TRPC4AP: variants seen among roughly 807,000 people sequenced by gnomAD.
TRPC4AP encodes short transient receptor potential channel 4-associated protein.
Under a neutral mutation model 99.0 loss-of-function variants are expected in TRPC4AP, and 45 were observed. The ratio of observed to expected loss-of-function variants is 0.45; its 90% CI spans 0.36 to 0.58. TRPC4AP has a LOEUF of 0.58. Ranked by LOEUF, TRPC4AP falls within the 20% of genes least tolerant of loss-of-function variation. The pLI is 0.00. For synonymous variants in TRPC4AP, 408 were observed against 385.8 expected (o/e 1.06, Z -0.67); for missense variants, 879 against 985.3 (o/e 0.89, Z 1.44).
chr20:35,015,460 A>ACT (rs1231175876), intron 10 of TRPC4AP, among the ~76,000 whole-genome samples: 32 of 95,720 alleles, frequency 3.3e-4, no homozygotes, highest in Non-Finnish European at 5.4e-4. Flanking sequence ...TCAGGCAGGA[A>ACT]CTTTTTTTTT....
chr20:35,076,841 A>G (rs1260384743), intron 2 of TRPC4AP, among the ~76,000 whole-genome samples: 23 of 152,190 alleles, frequency 1.5e-4, no homozygotes. Context: ...CCTTTTGTTC[A>G]GCTATGCCCT....
At chr20:35,058,618 T>A (rs2083898574) in intron 3 of TRPC4AP, among the ~76,000 whole-genome samples, 1 of 151,902 alleles carries the variant, frequency 6.6e-6, no homozygotes. Flanking sequence ...ATACCAAAAC[T>A]TATGATGTAG....
At chr20:35,034,754 C>A (rs2147335731) in intron 8 of TRPC4AP, among the ~76,000 whole-genome samples, 1 of 151,998 alleles carries the variant, frequency 6.6e-6, no homozygotes, top group East Asian at 1.9e-4. Flanking sequence ...ATCAAGGGGA[C>A]CAGGAAAAGG....
intron 15 of TRPC4AP, 136 bp from the exon 16 acceptor site, chr20:35,005,939 G>A: frequency 8.4e-6 from 6 of 715,640 alleles, no homozygotes. Context: ...CAGAGGCTCA[G>A]ATAAGCTGAG....
chr20:35,011,776 A>C (rs2082643340), intron 11 of TRPC4AP, among the ~76,000 whole-genome samples: 1 of 152,120 alleles, frequency 6.6e-6, no homozygotes, highest in Non-Finnish European at 1.5e-5. Context: ...ATGCCTGTTC[A>C]CTCAATTCAC....
At chr20:35,082,756 A>G (rs564311507) in intron 1 of TRPC4AP, among the ~76,000 whole-genome samples, 1 of 152,320 alleles carries the variant, frequency 6.6e-6, no homozygotes, top group South Asian at 2.1e-4. Context: ...CACATTGATA[A>G]CATAAAGGAG....
Position 35,003,522 on chromosome 20 carries a change from A to G in TRPC4AP, c.2144T>C (p.Met715Thr), listed in dbSNP as rs926598381. The G allele has an allele frequency of 1.2e-6, 2 of 1,613,998 alleles. No homozygotes were observed. The highest frequency in any genetic ancestry group is 1.7e-6 in the Non-Finnish European group (2 of 1,180,006). The part of the protein sequence containing the change: ...LPLYLRLLQR[M>T]EHSKKYPGFL... ...GCCGGGGTACTTCTTGCTGTGCTCC[A>G]TCCGCTGCAGCAGCCGCAGGTACAG... is the stretch of plus-strand genomic sequence containing the variant. The change falls in exon 18 of 19, where the codon ATG (methionine) becomes ACG (threonine). Residue 715 changes from methionine (M) to threonine (T), a missense_variant. Physicochemically the swap from Met to Thr is moderately conservative, Grantham distance 81. Coordinates refer to ENST00000252015, the MANE Select transcript of TRPC4AP (RefSeq NM_015638.3).
At chr20:35,052,720 G>A (rs900587264) in intron 5 of TRPC4AP, among the ~76,000 whole-genome samples, 1 of 152,128 alleles carries the variant, frequency 6.6e-6, no homozygotes, top group African/African-American at 2.4e-5. Flanking sequence ...TGGAACTCCT[G>A]ACCTCAAGTG....
chr20:35,014,184 G>T (rs892858696), intron 10 of TRPC4AP, among the ~76,000 whole-genome samples: 3 of 152,128 alleles, frequency 2.0e-5, no homozygotes, highest in African/African-American at 7.2e-5. Flanking sequence ...AATTACAATA[G>T]GATAAAACAG....
At chr20:35,012,944 A>G (rs1382509098) in intron 11 of TRPC4AP, 64 bp downstream of exon 11, 69 of 1,550,168 alleles carry the variant, frequency 4.5e-5, no homozygotes, top group Non-Finnish European at 6.1e-5. Flanking sequence ...GGACCAGACA[A>G]GGAGATCGAG....
chr20:35,003,501 G>A lies in TRPC4AP; in HGVS notation c.2165C>T (p.Pro722Leu). The change falls in exon 18 of 19, where the codon CCC (proline) becomes CTC (leucine). Residue 722 changes from proline to leucine, a missense_variant. Physicochemically the swap from Pro to Leu is moderately conservative, Grantham distance 98. Coordinates refer to ENST00000252015, the MANE Select transcript of TRPC4AP (RefSeq NM_015638.3). ...LQRMEHSKKY[P>L]GFLLNNFHNL... ...GTGGAAGTTGTTGAGCAGGAAGCCG[G>A]GGTACTTCTTGCTGTGCTCCATCCG... 6.2e-7 allele frequency: 1 copy of A among 1,614,050 alleles called. No individual in the cohort carries two copies. The highest frequency in any genetic ancestry group is 8.5e-7 in the Non-Finnish European group (1 of 1,180,022).
intron 7 of TRPC4AP, among the ~76,000 whole-genome samples, chr20:35,037,199 T>C (rs2083338185): frequency 6.6e-6 from 1 of 151,780 alleles, no homozygotes; most frequent in African/African-American, 2.4e-5. Context: ...TACAAAAAAT[T>C]AGCTGGGCGC....
intron 3 of TRPC4AP, among the ~76,000 whole-genome samples, 167 bp downstream of exon 3, chr20:35,069,129 G>C (rs910991336): frequency 2.0e-5 from 3 of 152,088 alleles, no homozygotes; most frequent in African/African-American, 7.2e-5. Context: ...GAATTCTTCT[G>C]AAGTAAAAAC....
intron 4 of TRPC4AP, among the ~76,000 whole-genome samples, chr20:35,056,713 GC>G (rs2083835623): frequency 6.6e-6 from 1 of 152,024 alleles, no homozygotes; most frequent in East Asian, 1.9e-4. Context: ...GGGTGCGGTG[GC>G]TCATGCCTGT....
chr20:35,015,251 T>G (rs532310084), intron 10 of TRPC4AP, among the ~76,000 whole-genome samples: 1 of 151,690 alleles, frequency 6.6e-6, no homozygotes, highest in Non-Finnish European at 1.5e-5. Context: ...TCTGCCCGCC[T>G]TGGCCTTTCA....
At chr20:35,069,602 C>G (rs1280427228) in intron 2 of TRPC4AP, among the ~76,000 whole-genome samples, 190 bp from the exon 3 acceptor site, 1 of 152,134 alleles carries the variant, frequency 6.6e-6, no homozygotes, top group African/African-American at 2.4e-5. Flanking sequence ...GCTGGTATGA[C>G]ACACCTCAAC....
chr20:35,067,542 AC>A (rs2084175885), intron 3 of TRPC4AP, among the ~76,000 whole-genome samples: 1 of 152,174 alleles, frequency 6.6e-6, no homozygotes, highest in African/African-American at 2.4e-5. Flanking sequence ...AGAAATGAAA[AC>A]ATGTCCACAA....
At chr20:35,005,336 G>A (rs2082494191) in intron 16 of TRPC4AP, among the ~76,000 whole-genome samples, 1 of 152,206 alleles carries the variant, frequency 6.6e-6, no homozygotes, top group South Asian at 2.1e-4. Flanking sequence ...ACATGGAAGT[G>A]CGTTAGCAAG....
intron 7 of TRPC4AP, 143 bp downstream of exon 7, chr20:35,044,362 T>C (rs1364181023): frequency 3.6e-6 from 3 of 845,004 alleles, no homozygotes; most frequent in Admixed American, 3.2e-5. Context: ...ACTGCACTCC[T>C]GCCTGGGTGA....
Sources: gnomAD v4.1 joint callset for allele counts (sites outside exome capture counted in the v4.1 genomes callset) on GRCh38, gnomAD v4.1.1 for gene constraint, MANE v1.5 for transcripts, NCBI Gene and HGNC (gene_info 2026-07-23, HGNC 2026-07-21) for gene names.